HYCC2: variants seen among roughly 807,000 people sequenced by gnomAD.
HYCC2 encodes hyccin 2.
At chr2:201,050,737 C>T in the HYCC2 span, among the ~76,000 whole-genome samples, 3 of 151,732 alleles carry the variant, frequency 2.0e-5, no homozygotes, top group African/African-American at 7.3e-5. Flanking sequence ...AGTTCGAGAC[C>T]AGCCTGGCCA....
chr2:201,034,767 C>G, the HYCC2 span, among the ~76,000 whole-genome samples: 283 of 152,260 alleles, frequency 1.9e-3, 3 homozygotes, highest in African/African-American at 6.4e-3. Flanking sequence ...TCCATGTTTA[C>G]TGCTTCCTTC....
the HYCC2 span, among the ~76,000 whole-genome samples, chr2:201,036,958 C>A: frequency 4.6e-5 from 7 of 152,176 alleles, no homozygotes; most frequent in Non-Finnish European, 8.8e-5. Flanking sequence ...GTCAAATTGT[C>A]CCTGTTTGCA....
chr2:201,004,462 C>T, the HYCC2 span, among the ~76,000 whole-genome samples: 1 of 152,110 alleles, frequency 6.6e-6, no homozygotes, highest in Admixed American at 6.5e-5. Context: ...GCATAAAATG[C>T]CAATAAAACA....
the HYCC2 span, among the ~76,000 whole-genome samples, chr2:201,027,197 T>C: frequency 3.9e-5 from 6 of 152,078 alleles, no homozygotes; most frequent in Admixed American, 2.6e-4. Flanking sequence ...TCTACGCAAA[T>C]AAACTAGAAA....
chr2:200,995,061 A>C, the HYCC2 span, among the ~76,000 whole-genome samples: 1 of 152,058 alleles, frequency 6.6e-6, no homozygotes, highest in African/African-American at 2.4e-5. Context: ...TAATGTTGCC[A>C]ATAAGAGAAC....
At chr2:200,988,964 A>T in the HYCC2 span, among the ~76,000 whole-genome samples, 1 of 152,290 alleles carries the variant, frequency 6.6e-6, no homozygotes, top group East Asian at 1.9e-4. Flanking sequence ...TTCCCTCTCC[A>T]CTTGGACAAG....
chr2:201,035,455 G>C, the HYCC2 span, among the ~76,000 whole-genome samples: 2 of 152,058 alleles, frequency 1.3e-5, no homozygotes, highest in African/African-American at 4.8e-5. Context: ...AGCTCCATCA[G>C]GTCCTTTAAG....
chr2:201,001,137 CAA>C, the HYCC2 span, among the ~76,000 whole-genome samples: 39 of 70,288 alleles, frequency 5.5e-4, no homozygotes, highest in African/African-American at 5.8e-4. Context: ...GACTCTGTCT[CAA>C]AAAAAAAAAA....
the HYCC2 span, chr2:200,974,507 T>C: frequency 3.3e-5 from 5 of 151,960 alleles, no homozygotes; most frequent in Non-Finnish European, 7.4e-5. Context: ...GATGAACTTA[T>C]TACAAATATT....
At chr2:201,002,783 A>G in the HYCC2 span, among the ~76,000 whole-genome samples, 1 of 152,014 alleles carries the variant, frequency 6.6e-6, no homozygotes, top group Non-Finnish European at 1.5e-5. Context: ...TCGGCCTCCC[A>G]AAGTGCTGGG....
the HYCC2 span, among the ~76,000 whole-genome samples, chr2:201,058,134 C>T: frequency 6.6e-6 from 1 of 152,122 alleles, no homozygotes; most frequent in South Asian, 2.1e-4. Flanking sequence ...CCCCTTCTTC[C>T]AACACTCAGA....
chr2:201,054,244 G>A, the HYCC2 span, among the ~76,000 whole-genome samples: 2 of 152,190 alleles, frequency 1.3e-5, no homozygotes, highest in Non-Finnish European at 2.9e-5. Flanking sequence ...TACTGGGAGA[G>A]GATTCTTGCA....
the HYCC2 span, among the ~76,000 whole-genome samples, chr2:201,034,241 A>C: frequency 6.6e-6 from 1 of 152,240 alleles, no homozygotes; most frequent in Non-Finnish European, 1.5e-5. Context: ...AATATGAAAT[A>C]ATATTTTATG....
At chr2:201,056,143 G>A in the HYCC2 span, among the ~76,000 whole-genome samples, 83 of 151,570 alleles carry the variant, frequency 5.5e-4, no homozygotes, top group African/African-American at 1.9e-3. Flanking sequence ...GCAGTGAGCC[G>A]AGATGGCGCC....
the HYCC2 span, among the ~76,000 whole-genome samples, chr2:201,002,911 T>C: frequency 6.6e-6 from 1 of 152,188 alleles, no homozygotes; most frequent in South Asian, 2.1e-4. Flanking sequence ...GTACAAAAAA[T>C]GTGTTCCCTG....
the HYCC2 span, among the ~76,000 whole-genome samples, chr2:201,010,058 C>T: frequency 1.1e-4 from 17 of 149,140 alleles, no homozygotes; most frequent in East Asian, 1.8e-3. Flanking sequence ...GAGCTGAGAT[C>T]GCGCCACTGC....
chr2:201,004,634 C>T, the HYCC2 span, among the ~76,000 whole-genome samples: 1 of 152,178 alleles, frequency 6.6e-6, no homozygotes, highest in Non-Finnish European at 1.5e-5. Flanking sequence ...GGATCAAATG[C>T]TCAGAGTACT....
At chr2:200,993,924 C>T in the HYCC2 span, among the ~76,000 whole-genome samples, 1 of 151,754 alleles carries the variant, frequency 6.6e-6, no homozygotes, top group Admixed American at 6.6e-5. Context: ...GAGCCGAGAT[C>T]ACGCCACTTC....
At chr2:201,006,930 C>A in the HYCC2 span, among the ~76,000 whole-genome samples, 4 of 152,094 alleles carry the variant, frequency 2.6e-5, no homozygotes, top group African/African-American at 9.7e-5. Flanking sequence ...TAGTGCTGCA[C>A]AAGTTTACCA....
Sources: gnomAD v4.1 joint callset for allele counts (sites outside exome capture counted in the v4.1 genomes callset) on GRCh38, gnomAD v4.1.1 for gene constraint, MANE v1.5 for transcripts, NCBI Gene and HGNC (gene_info 2026-07-23, HGNC 2026-07-21) for gene names.